The following TMEM132D variants were observed in gnomAD, a reference collection of about 807,000 sequenced individuals.
TMEM132D encodes transmembrane protein 132D.
TMEM132D carries 21 observed loss-of-function variants against 62.3 expected under a neutral mutation model. The ratio of observed to expected loss-of-function variants is 0.34; its 90% CI spans 0.24 to 0.49. TMEM132D has a LOEUF of 0.49. Among genes scored for constraint, TMEM132D ranks in the 20% least tolerant of loss-of-function variants. TMEM132D has a pLI of 0.99. For missense variants in TMEM132D, 1,346 were observed against 1,402.8 expected, an observed-to-expected ratio of 0.96 and a Z score of 0.65; for synonymous variants, 621 against 575.6, an observed-to-expected ratio of 1.08 and a Z score of -1.13.
chr12:129,816,386 G>A (rs1872346109), intron 1 of TMEM132D, among the ~76,000 whole-genome samples: 2 of 152,164 alleles, frequency 1.3e-5, no homozygotes, highest in Non-Finnish European at 2.9e-5. Context: ...ACTTTGGACA[G>A]AACAGCTGGG....
At chr12:129,207,232 G>C (rs367654166) in intron 5 of TMEM132D, among the ~76,000 whole-genome samples, 28 of 149,498 alleles carry the variant, frequency 1.9e-4, no homozygotes, top group African/African-American at 6.1e-4. Flanking sequence ...AAGTTCCAAG[G>C]AGGACAGTCA....
At chr12:129,731,085 G>A (rs1430807496) in intron 1 of TMEM132D, among the ~76,000 whole-genome samples, 1 of 152,112 alleles carries the variant, frequency 6.6e-6, no homozygotes, top group Non-Finnish European at 1.5e-5. Flanking sequence ...CCAGGGGTGT[G>A]CTCTCTGAGG....
chr12:129,476,099 G>A (rs1340551437), intron 3 of TMEM132D, among the ~76,000 whole-genome samples: 3 of 152,160 alleles, frequency 2.0e-5, no homozygotes, highest in East Asian at 3.9e-4. Flanking sequence ...CACACTGTGG[G>A]GGGTTTAGTA....
chr12:129,201,795 G>GGAGGGA (rs1357900827), intron 5 of TMEM132D, among the ~76,000 whole-genome samples: 3 of 152,112 alleles, frequency 2.0e-5, no homozygotes, highest in Non-Finnish European at 4.4e-5. Flanking sequence ...AGAGAAGGAG[G>GGAGGGA]GAGGGAGAGG....
chr12:129,903,457 G>T lies in TMEM132D; in HGVS notation c.-118C>A, dbSNP rs1875440011. 4 of 1,092,384 alleles carry T rather than the reference G, an allele frequency of 3.7e-6. No individual in the cohort carries two copies. The highest frequency in any genetic ancestry group is 5.3e-6 in the Non-Finnish European group (4 of 754,348). 67.7% of individuals were successfully genotyped at this position (1,092,384 alleles called of 1,614,324 possible). A position where few individuals can be genotyped will look rare whatever the true frequency, so the allele number is the denominator to read the frequency against. Reference sequence around the variant, plus strand: ...GGTGGCGAGGGAGCGCCCGGCTAGGGGCCCGAGCAGCCCGGGCGCCCTGCT... The same window carrying T: ...GGTGGCGAGGGAGCGCCCGGCTAGGTGCCCGAGCAGCCCGGGCGCCCTGCT... On this transcript the variant is annotated 5_prime_UTR_variant, in exon 1 of 9. Transcript: ENST00000422113. This position sits in a 1 kb window ranked among gnomAD's most constrained non-coding sequence, Gnocchi z 6.2.
intron 2 of TMEM132D, among the ~76,000 whole-genome samples, chr12:129,683,608 C>T (rs760345821): frequency 1.9e-4 from 29 of 152,272 alleles, no homozygotes; most frequent in Admixed American, 7.2e-4. Context: ...CCTGGGTGGA[C>T]ATTCCCATGA....
intron 3 of TMEM132D, among the ~76,000 whole-genome samples, chr12:129,502,007 T>C (rs1413145375): frequency 6.6e-6 from 1 of 151,936 alleles, no homozygotes; most frequent in East Asian, 1.9e-4. Flanking sequence ...GACTTTTTTT[T>C]TTTTCTTTTG....
intron 5 of TMEM132D, among the ~76,000 whole-genome samples, chr12:129,086,194 G>GCA (rs1874612423): frequency 5.4e-5 from 5 of 92,428 alleles, no homozygotes; most frequent in African/African-American, 2.1e-4. Context: ...ACATAGTCAC[G>GCA]CGCGCGCGTG....
intron 2 of TMEM132D, among the ~76,000 whole-genome samples, chr12:129,601,109 T>G (rs2137142656): frequency 6.6e-6 from 1 of 152,342 alleles, no homozygotes; most frequent in Middle Eastern, 3.4e-3. Context: ...TAACTAGATC[T>G]TCTGGAGAAC....
chr12:129,496,687 C>A (rs1034172772), intron 3 of TMEM132D, among the ~76,000 whole-genome samples: 1 of 151,600 alleles, frequency 6.6e-6, no homozygotes, highest in Non-Finnish European at 1.5e-5. Context: ...AAAATGCAAG[C>A]AATGAGCCAC....
chr12:129,078,790 A>T (rs1192171272), intron 7 of TMEM132D, 65 bp from the exon 8 acceptor site: 2 of 1,549,236 alleles, frequency 1.3e-6, no homozygotes, highest in Non-Finnish European at 8.9e-7. Context: ...CTCCAGTCAC[A>T]GGAGGAAGTG....
intron 1 of TMEM132D, among the ~76,000 whole-genome samples, chr12:129,796,918 C>T (rs1198861968): frequency 1.3e-5 from 2 of 152,154 alleles, no homozygotes; most frequent in Non-Finnish European, 2.9e-5. Flanking sequence ...TTTAATCTTG[C>T]CTTCATCTTA....
intron 5 of TMEM132D, among the ~76,000 whole-genome samples, chr12:129,179,848 C>T (rs773627716): frequency 5.3e-5 from 8 of 151,734 alleles, no homozygotes; most frequent in Admixed American, 1.3e-4. Flanking sequence ...GCCAACATGG[C>T]GAAACTCCGT....
intron 1 of TMEM132D, among the ~76,000 whole-genome samples, chr12:129,759,257 C>T (rs1870270598): frequency 6.6e-6 from 1 of 152,136 alleles, no homozygotes; most frequent in African/African-American, 2.4e-5. Context: ...TTCTTAGCCA[C>T]CAAGCTCTGT....
chr12:129,865,693 G>A (rs768099143), intron 1 of TMEM132D, among the ~76,000 whole-genome samples: 10 of 152,200 alleles, frequency 6.6e-5, no homozygotes, highest in Non-Finnish European at 1.5e-4. Context: ...TATACTGAAC[G>A]CATCGCAACT....
intron 4 of TMEM132D, among the ~76,000 whole-genome samples, chr12:129,276,687 C>T (rs1197133310): frequency 4.6e-5 from 7 of 152,246 alleles, no homozygotes; most frequent in East Asian, 1.9e-4. Context: ...CCACTTACGC[C>T]GATAGTTTTA....
intron 2 of TMEM132D, among the ~76,000 whole-genome samples, chr12:129,601,861 A>T (rs1565918677): frequency 6.6e-6 from 1 of 152,346 alleles, no homozygotes; most frequent in East Asian, 1.9e-4. Flanking sequence ...GAATTGTCAC[A>T]ATGTGACACA....
At chr12:129,271,549 C>G (rs1184804546) in intron 4 of TMEM132D, among the ~76,000 whole-genome samples, 1 of 151,532 alleles carries the variant, frequency 6.6e-6, no homozygotes, top group Non-Finnish European at 1.5e-5. Context: ...TCCTAATGCT[C>G]TCCCTCCCCT....
At chr12:129,732,475 T>C (rs1869281640) in intron 1 of TMEM132D, among the ~76,000 whole-genome samples, 1 of 152,212 alleles carries the variant, frequency 6.6e-6, no homozygotes, top group Non-Finnish European at 1.5e-5. Flanking sequence ...GAGGGGCCGA[T>C]GCCTCAGAGC....
Sources: gnomAD v4.1 joint callset for allele counts (sites outside exome capture counted in the v4.1 genomes callset) on GRCh38, gnomAD v4.1.1 for gene constraint, Gnocchi (gnomAD v3.1) non-coding constraint, MANE v1.5 for transcripts, NCBI Gene and HGNC (gene_info 2026-07-23, HGNC 2026-07-21) for gene names.